RGS6: variants seen among roughly 807,000 people sequenced by gnomAD.
RGS6 encodes the protein regulator of G protein signaling 6.
A neutral mutation model predicts 78.5 loss-of-function variants in RGS6; 30 were observed. The ratio of observed to expected loss-of-function variants is 0.38; its 90% CI spans 0.29 to 0.52. RGS6 has a LOEUF of 0.52. Among genes scored for constraint, RGS6 ranks in the 20% least tolerant of loss-of-function variants. RGS6 has a pLI of 0.85. For synonymous variants in RGS6, 206 were observed against 206.0 expected (o/e 1.00, Z 0.00); for missense variants, 495 against 609.7 (o/e 0.81, Z 1.98).
At chr14:72,458,246 C>T (rs773926597) in intron 4 of RGS6, 25 bp from the exon 5 acceptor site, 3 of 1,557,880 alleles carry the variant, frequency 1.9e-6, no homozygotes, top group South Asian at 1.2e-5. Flanking sequence ...CTAATTCCTT[C>T]TCTCTCTATG....
At chr14:72,071,412 T>TC (rs2094403612) in intron 2 of RGS6, among the ~76,000 whole-genome samples, 1 of 152,218 alleles carries the variant, frequency 6.6e-6, no homozygotes, top group South Asian at 2.1e-4. Context: ...TAGAATATAT[T>TC]CCTGGGGGTA....
the RGS6 span, among the ~76,000 whole-genome samples, chr14:71,905,495 T>C: frequency 6.6e-6 from 1 of 152,192 alleles, no homozygotes; most frequent in Non-Finnish European, 1.5e-5. Flanking sequence ...TCTGTTTCTT[T>C]TCTCTTTTTT....
At chr14:72,096,887 A>C (rs893714106) in intron 2 of RGS6, among the ~76,000 whole-genome samples, 6 of 152,210 alleles carry the variant, frequency 3.9e-5, no homozygotes, top group Non-Finnish European at 8.8e-5. Context: ...TTGGAGACAA[A>C]CAACCACAGT....
chr14:72,398,328 T>C (rs1253206668), intron 3 of RGS6, among the ~76,000 whole-genome samples: 2 of 152,214 alleles, frequency 1.3e-5, no homozygotes, highest in Non-Finnish European at 2.9e-5. Flanking sequence ...GATTTTCTAG[T>C]TTATTTGCAT....
At chr14:72,342,813 A>G (rs941494751) in intron 2 of RGS6, among the ~76,000 whole-genome samples, 1 of 151,658 alleles carries the variant, frequency 6.6e-6, no homozygotes, top group Admixed American at 6.6e-5. Context: ...AAAAAAATGC[A>G]GCATTGAAAA....
chr14:72,265,792 T>C (rs1166418217), intron 2 of RGS6, among the ~76,000 whole-genome samples: 1 of 152,130 alleles, frequency 6.6e-6, no homozygotes, highest in Non-Finnish European at 1.5e-5. Context: ...TCCATCCACT[T>C]TCCTGGCCTT....
intron 2 of RGS6, among the ~76,000 whole-genome samples, chr14:72,030,617 C>A (rs1033252165): frequency 6.9e-6 from 1 of 145,010 alleles, no homozygotes; most frequent in African/African-American, 2.7e-5. Context: ...CTTTTTACTG[C>A]ACCTGGAGAG....
intron 11 of RGS6, among the ~76,000 whole-genome samples, chr14:72,477,581 G>A (rs2096270001): frequency 6.6e-6 from 1 of 151,916 alleles, no homozygotes; most frequent in East Asian, 1.9e-4. Context: ...GATCATCTGA[G>A]GTAAGGAGTT....
intron 2 of RGS6, among the ~76,000 whole-genome samples, chr14:72,309,786 A>G (rs1255843977): frequency 1.3e-5 from 2 of 152,238 alleles, no homozygotes; most frequent in African/African-American, 2.4e-5. Context: ...ATCTCTGGCC[A>G]TAGCCCAAGG....
chr14:71,914,386 C>A, the RGS6 span, among the ~76,000 whole-genome samples: 2 of 152,164 alleles, frequency 1.3e-5, no homozygotes, highest in African/African-American at 4.8e-5. Context: ...ATTTGGGGAA[C>A]CTACACCAAT....
intron 3 of RGS6, among the ~76,000 whole-genome samples, chr14:72,415,555 C>G (rs1318250652): frequency 6.6e-6 from 1 of 152,264 alleles, no homozygotes; most frequent in Non-Finnish European, 1.5e-5. Context: ...CCTGCACCCA[C>G]TGTCCAGCAC....
chr14:72,020,061 T>G (rs1423654093), intron 2 of RGS6, among the ~76,000 whole-genome samples: 2 of 152,260 alleles, frequency 1.3e-5, no homozygotes, highest in African/African-American at 4.8e-5. Flanking sequence ...GATGTCACCA[T>G]GAAGTTATAT....
At position 72,083,630 on chromosome 14, in the gene RGS6, C is replaced by T. The variant is rs529919068; in HGVS notation, c.84+118755C>T. Among the ~76,000 whole-genome samples the T allele has an allele frequency of 4.6e-5, 7 of 152,190 alleles. No homozygotes were observed. The East Asian group carries it at 5.8e-4, about 13-fold the overall frequency. Reference sequence around the variant, plus strand: ...TCTGAGCTGCTCAGAAAGGGAAGCTCGGATTTGTGGGTTTTAGGCTACTAA... The same window carrying T: ...TCTGAGCTGCTCAGAAAGGGAAGCTTGGATTTGTGGGTTTTAGGCTACTAA... On this transcript the variant is annotated intron_variant, in intron 2 of 17. Transcript: ENST00000553525.
intron 2 of RGS6, among the ~76,000 whole-genome samples, chr14:72,207,308 A>G (rs555970176): frequency 1.3e-5 from 2 of 152,210 alleles, no homozygotes; most frequent in Non-Finnish European, 2.9e-5. Context: ...GTAGATATTC[A>G]GTTATATTTC....
At chr14:72,371,726 A>C (rs111988927) in intron 3 of RGS6, among the ~76,000 whole-genome samples, 4,353 of 152,320 alleles carry the variant, frequency 0.029, 94 homozygotes, top group Middle Eastern at 0.12. Flanking sequence ...GCACCATTGC[A>C]CTCCAGCCTG....
chr14:72,310,877 G>A (rs1023046432), intron 2 of RGS6, among the ~76,000 whole-genome samples: 1 of 152,206 alleles, frequency 6.6e-6, no homozygotes, highest in African/African-American at 2.4e-5. Context: ...TCGTAATTGA[G>A]AGTTCAGAAT....
chr14:72,349,222 A>G (rs1165251308), intron 2 of RGS6, among the ~76,000 whole-genome samples: 2 of 152,194 alleles, frequency 1.3e-5, no homozygotes, highest in African/African-American at 2.4e-5. Flanking sequence ...TCATGAGTCT[A>G]TAGGCCAGCT....
At chr14:72,098,312 C>G (rs141884873) in intron 2 of RGS6, among the ~76,000 whole-genome samples, 2 of 152,352 alleles carry the variant, frequency 1.3e-5, no homozygotes, top group African/African-American at 4.8e-5. Flanking sequence ...GGCCTCTTGG[C>G]TAAGATAATA....
chr14:72,298,742 C>T (rs2065416668), intron 2 of RGS6, among the ~76,000 whole-genome samples: 1 of 152,224 alleles, frequency 6.6e-6, no homozygotes. Flanking sequence ...GCCACTGTGC[C>T]TGGCCCTAAT....
Sources: allele counts gnomAD v4.1 joint callset (sites outside exome capture counted in the v4.1 genomes callset), GRCh38; gene constraint gnomAD v4.1.1; transcripts MANE v1.5; gene names NCBI Gene and HGNC (gene_info 2026-07-23, HGNC 2026-07-21).